ZNF804A: variants seen among roughly 807,000 people sequenced by gnomAD.
ZNF804A encodes the protein zinc finger protein 804A.
A neutral mutation model predicts 16.5 loss-of-function variants in ZNF804A; 2 were observed. The observed-to-expected ratio is 0.12, with a 90% CI of 0.05 to 0.38. The LOEUF (loss-of-function observed/expected upper bound fraction) is 0.38. Ranked by LOEUF, ZNF804A falls within the 10% of genes least tolerant of loss-of-function variation. ZNF804A has a pLI of 0.99. For missense variants in ZNF804A, 1,473 were observed against 1,390.7 expected (o/e 1.06, Z -0.94); for synonymous variants, 534 against 489.6 (o/e 1.09, Z -1.20).
intron 2 of ZNF804A, among the ~76,000 whole-genome samples, chr2:184,872,648 T>C (rs1417809838): frequency 6.6e-6 from 1 of 152,152 alleles, no homozygotes; most frequent in African/African-American, 2.4e-5. Flanking sequence ...CATATACATA[T>C]AAAAATAGAC....
intron 1 of ZNF804A, among the ~76,000 whole-genome samples, chr2:184,711,354 C>G (rs1019600405): frequency 6.6e-6 from 1 of 151,470 alleles, no homozygotes; most frequent in African/African-American, 2.4e-5. Flanking sequence ...AACTGGGATA[C>G]TTGCTTTTTT....
chr2:184,671,913 G>A (rs1692344130), intron 1 of ZNF804A, among the ~76,000 whole-genome samples: 1 of 152,206 alleles, frequency 6.6e-6, no homozygotes, highest in South Asian at 2.1e-4. Flanking sequence ...ATCATTCATT[G>A]CTAAGTGCTT....
intron 1 of ZNF804A, among the ~76,000 whole-genome samples, chr2:184,818,814 A>C (rs1373202146): frequency 6.6e-6 from 1 of 152,080 alleles, no homozygotes; most frequent in Non-Finnish European, 1.5e-5. Flanking sequence ...AAAGACAAAG[A>C]AGGGAGTTAC....
chr2:184,921,323 T>A (rs1359935786), intron 2 of ZNF804A, among the ~76,000 whole-genome samples: 1 of 152,166 alleles, frequency 6.6e-6, no homozygotes, highest in East Asian at 1.9e-4. Context: ...ATCAAAATAT[T>A]AGGTGAGTTT....
chr2:184,640,260 G>A (rs1001164492), intron 1 of ZNF804A, among the ~76,000 whole-genome samples: 1 of 151,540 alleles, frequency 6.6e-6, no homozygotes, highest in Admixed American at 6.6e-5. Context: ...AGGAGAAGAA[G>A]AAGAAAGGAG....
At chr2:184,843,041 G>T (rs1695460542) in intron 1 of ZNF804A, among the ~76,000 whole-genome samples, 1 of 152,174 alleles carries the variant, frequency 6.6e-6, no homozygotes, top group Admixed American at 6.5e-5. Flanking sequence ...AGTCAGAATA[G>T]CAGATGCTCT....
intron 1 of ZNF804A, among the ~76,000 whole-genome samples, chr2:184,792,289 G>C (rs562827856): frequency 1.3e-5 from 2 of 152,154 alleles, no homozygotes; most frequent in African/African-American, 4.8e-5. Flanking sequence ...TATCAGCAAT[G>C]AATGAGAGTT....
intron 1 of ZNF804A, among the ~76,000 whole-genome samples, chr2:184,800,074 TA>T (rs200357792): frequency 0.017 from 2,540 of 152,180 alleles, 87 homozygotes; most frequent in African/African-American, 0.057. Flanking sequence ...GGCATAGAAA[TA>T]TTCATAATAT....
chr2:184,599,398 C>T (rs981400726), intron 1 of ZNF804A, among the ~76,000 whole-genome samples: 1 of 152,116 alleles, frequency 6.6e-6, no homozygotes, highest in Non-Finnish European at 1.5e-5. Context: ...CCCAAGTTAC[C>T]CCATAACCTC....
At position 184,650,981 on chromosome 2, in the gene ZNF804A, A is replaced by T. The variant is rs548551822; in HGVS notation, c.111+51911A>T. On this transcript the variant is annotated intron_variant, in intron 1 of 3. Transcript: ENST00000302277. ...GGTATCAAAAAGAGCCTGAATAGCC[A>T]AAGCAATCCTGAGCAAAAAGAGCAA... is the stretch of plus-strand genomic sequence containing the variant. Among the ~76,000 whole-genome samples the T allele has an allele frequency of 4.6e-5, 7 of 152,322 alleles. No individual in the cohort carries two copies. The East Asian group carries it at 1.2e-3, about 25-fold the overall frequency.
At chr2:184,702,216 C>G (rs1454318770) in intron 1 of ZNF804A, among the ~76,000 whole-genome samples, 1 of 151,948 alleles carries the variant, frequency 6.6e-6, no homozygotes, top group Non-Finnish European at 1.5e-5. Flanking sequence ...AGTCACAACC[C>G]TTTATCTATG....
intron 2 of ZNF804A, among the ~76,000 whole-genome samples, chr2:184,922,278 T>C (rs1040008403): frequency 6.6e-6 from 1 of 152,146 alleles, no homozygotes; most frequent in South Asian, 2.1e-4. Flanking sequence ...TGCTTATCTT[T>C]TGGATAAAAA....
chr2:184,668,884 C>T (rs1397853719), intron 1 of ZNF804A, among the ~76,000 whole-genome samples: 1 of 151,848 alleles, frequency 6.6e-6, no homozygotes, highest in Non-Finnish European at 1.5e-5. Flanking sequence ...ATTGGTAGGC[C>T]TAGAGACTAC....
At chr2:184,663,214 C>G (rs1003604197) in intron 1 of ZNF804A, among the ~76,000 whole-genome samples, 1 of 152,182 alleles carries the variant, frequency 6.6e-6, no homozygotes, top group Non-Finnish European at 1.5e-5. Flanking sequence ...CTGGGAAGCC[C>G]CCATACCCTC....
intron 1 of ZNF804A, among the ~76,000 whole-genome samples, chr2:184,780,356 A>G (rs948928733): frequency 2.0e-5 from 3 of 151,842 alleles, no homozygotes; most frequent in African/African-American, 7.2e-5. Context: ...ATAATAATTT[A>G]TATGCTACGT....
intron 1 of ZNF804A, among the ~76,000 whole-genome samples, chr2:184,713,582 T>A (rs1295087075): frequency 6.6e-6 from 1 of 151,946 alleles, no homozygotes; most frequent in African/African-American, 2.4e-5. Context: ...CTTGAAACAA[T>A]AACTATGTGC....
intron 1 of ZNF804A, among the ~76,000 whole-genome samples, chr2:184,762,211 C>CT (rs35871982): frequency 0.039 from 5,366 of 137,926 alleles, 317 homozygotes; most frequent in African/African-American, 0.13. Flanking sequence ...CTTTTCTTTT[C>CT]TTTTTTTTTT....
intron 2 of ZNF804A, among the ~76,000 whole-genome samples, chr2:184,904,090 A>G (rs539190417): frequency 6.6e-6 from 1 of 152,168 alleles, no homozygotes; most frequent in South Asian, 2.1e-4. Flanking sequence ...AACTACTCTA[A>G]AAGGAAGATT....
intron 1 of ZNF804A, among the ~76,000 whole-genome samples, chr2:184,777,495 C>T (rs571856691): frequency 2.4e-4 from 37 of 151,412 alleles, no homozygotes; most frequent in Non-Finnish European, 4.6e-4. Flanking sequence ...CACTGTCATT[C>T]CCTTCACTTC....
Sources: gnomAD v4.1 joint callset for allele counts (sites outside exome capture counted in the v4.1 genomes callset) on GRCh38, gnomAD v4.1.1 for gene constraint, MANE v1.5 for transcripts, NCBI Gene and HGNC (gene_info 2026-07-23, HGNC 2026-07-21) for gene names.